Variants in TRIM37 observed in about 807,000 individuals in gnomAD.
The protein encoded by TRIM37 is tripartite motif containing 37.
Under a neutral mutation model 129.8 loss-of-function variants are expected in TRIM37, and 80 were observed. The observed-to-expected ratio is 0.62, with a 90% confidence interval of 0.51 to 0.74. The LOEUF (loss-of-function observed/expected upper bound fraction) is 0.74, where lower values mean the gene tolerates loss of function less well. TRIM37 is among the 30% of genes least tolerant of loss of function. The pLI is 0.00. For synonymous variants in TRIM37, 389 were observed against 387.1 expected (o/e 1.00, Z -0.06); for missense variants, 1,054 against 1,176.5 (o/e 0.90, Z 1.52).
rs749375495 is a variant in TRIM37 at position 59,016,059 on chromosome 17, A to G, written c.2387-260T>C. Among the ~76,000 whole-genome samples the G allele has an allele frequency of 1.2e-4, 18 of 152,290 alleles. No individual in the cohort carries two copies. The Middle Eastern group carries it at 0.01, about 86-fold the overall frequency. ...ATGAAAGGTCTCTCTCAGTTACATT[A>G]GAAAATCTCACTATATATATCATTT... is the stretch of plus-strand genomic sequence containing the variant. On this transcript the variant is annotated intron_variant, in intron 20 of 23. Transcript: ENST00000262294.
intron 17 of TRIM37, among the ~76,000 whole-genome samples, chr17:59,032,682 A>T (rs2038020050): frequency 6.6e-6 from 1 of 152,124 alleles, no homozygotes; most frequent in African/African-American, 2.4e-5. Flanking sequence ...AATGTGTACG[A>T]TGTGCACAAT....
At chr17:58,983,887 T>TGAA (rs1256011937) in intron 24 of TRIM37, 1 of 152,642 alleles carries the variant, frequency 6.6e-6, no homozygotes, top group East Asian at 1.9e-4. Flanking sequence ...GGTCACCAAC[T>TGAA]GAAGTCATTA....
chr17:59,094,754 AAAAC>A (rs1204156335), intron 2 of TRIM37, among the ~76,000 whole-genome samples: 3 of 152,018 alleles, frequency 2.0e-5, no homozygotes, highest in African/African-American at 7.2e-5. Flanking sequence ...GGCATGGTGA[AAAAC>A]AAAAACAAAA....
chr17:59,081,115 G>C lies in TRIM37; in HGVS notation c.474C>G (p.Ile158Met). ...GTCTTACCACTTCTTGAACTAAGCTGATCAGTTCCATGAGACGCCGACGAA... is the reference window on the plus strand; with the variant it reads ...GTCTTACCACTTCTTGAACTAAGCTCATCAGTTCCATGAGACGCCGACGAA... ...AKLRRRLMEL[I>M]SLVQEVERNV... Residue 158 changes from isoleucine to methionine, a missense_variant, in exon 6 of 24, where the codon ATC becomes ATG. Ile to Met is a conservative substitution (Grantham distance 10). Transcript: ENST00000262294. The C allele has an allele frequency of 6.2e-7, 1 of 1,613,092 alleles. No individual in the cohort carries two copies. The highest frequency in any genetic ancestry group is 1.3e-5 in the African/African-American group (1 of 74,962).
chr17:59,033,631 G>A (rs1404857205), intron 17 of TRIM37, among the ~76,000 whole-genome samples: 5 of 151,974 alleles, frequency 3.3e-5, no homozygotes, highest in East Asian at 2.0e-4. Context: ...TGTTAGGATG[G>A]TCTGGATCTC....
intron 2 of TRIM37, among the ~76,000 whole-genome samples, chr17:59,101,691 TATATACACAC>T (rs1463303070): frequency 4.6e-5 from 6 of 131,094 alleles, no homozygotes; most frequent in Admixed American, 8.2e-5. Flanking sequence ...TATATATATA[TATATACACAC>T]ACACACACAC....
Position 59,049,276 on chromosome 17 carries a change from A to ATCTG in TRIM37, c.1431_1432insCAGA (p.Ser478GlnfsTer3). 1 of 1,614,150 alleles carries ATCTG rather than the reference A, an allele frequency of 6.2e-7. No individual in the cohort carries two copies. Among genetic ancestry groups the ATCTG allele is most frequent in the African/African-American group, 1.3e-5 (1 of 75,036 alleles). On this transcript the variant is annotated frameshift_variant, in exon 15 of 24. Coordinates refer to ENST00000262294, the MANE Select transcript of TRIM37 (RefSeq NM_015294.6). LOFTEE classifies it high-confidence loss of function. ...GGACCACCTTCGAGAAGCATGTCAGAGCATGCAGACTTCTTAGCTCGTGTC... is the reference window on the plus strand; with the variant it reads ...GGACCACCTTCGAGAAGCATGTCAGATCTGGCATGCAGACTTCTTAGCTCGTGTC...
downstream of TRIM37, chr17:58,981,213 A>C (rs1174173577): frequency 3.6e-6 from 2 of 558,780 alleles, no homozygotes; most frequent in African/African-American, 1.9e-5. Context: ...AAAAAGAAGT[A>C]TTGGCAGTTT....
chr17:59,045,805 A>C (rs1332541377), intron 16 of TRIM37, among the ~76,000 whole-genome samples: 1 of 151,934 alleles, frequency 6.6e-6, no homozygotes, highest in African/African-American at 2.4e-5. Flanking sequence ...ACCTGAAGTC[A>C]GGAGTTCAAG....
rs997964575 is a variant in TRIM37 at position 59,079,796 on chromosome 17, G to A, written c.574C>T (p.Arg192Trp). ...IRNAVEMMIARLDTQLKNKLI... is the reference protein window; with the variant it reads ...IRNAVEMMIAWLDTQLKNKLI... ...TTATTCTTCAGCTGTGTGTCTAACC[G>A]TGCAATCATCATCTCCACTGCATTC... Residue 192 changes from arginine (R) to tryptophan (W), a missense_variant, in exon 7 of 24, where the codon CGG becomes TGG. Physicochemically the swap from Arg to Trp is moderately radical, Grantham distance 101. Transcript: ENST00000262294. 1.6e-5 allele frequency: 26 copies of A among 1,613,856 alleles called. No individual in the cohort carries two copies. The African/African-American group carries it at 1.7e-4, about 11-fold the overall frequency.
At chr17:59,056,824 TGATATTATTTCCCCACAA>T (rs1288956064) in intron 13 of TRIM37, 33 bp downstream of exon 13, 2 of 1,482,840 alleles carry the variant, frequency 1.3e-6, no homozygotes, top group Non-Finnish European at 1.9e-6. Context: ...ATAGTTCTGA[TGATATTATTTCCCCACAA>T]TAAAAACCAC....
intron 18 of TRIM37, among the ~76,000 whole-genome samples, chr17:59,029,056 T>C (rs868379164): frequency 3.9e-5 from 6 of 152,166 alleles, no homozygotes; most frequent in African/African-American, 1.4e-4. Context: ...ATTATGTTTA[T>C]AATTGAAAAA....
chr17:59,092,803 T>C (rs928504242), intron 2 of TRIM37, among the ~76,000 whole-genome samples: 7 of 152,082 alleles, frequency 4.6e-5, no homozygotes, highest in Admixed American at 1.3e-4. Context: ...AAGGAAACCT[T>C]AAAGGACAGT....
At chr17:59,068,910 G>C (rs933220974) in intron 9 of TRIM37, among the ~76,000 whole-genome samples, 1 of 152,126 alleles carries the variant, frequency 6.6e-6, no homozygotes, top group Non-Finnish European at 1.5e-5. Flanking sequence ...ACTGCAAGGT[G>C]GTGGGGTGGG....
intron 22 of TRIM37, among the ~76,000 whole-genome samples, chr17:59,009,443 CTTTT>C (rs61545184): frequency 3.7e-5 from 4 of 107,618 alleles, no homozygotes; most frequent in African/African-American, 9.7e-5. Flanking sequence ...AATTTCTTTT[CTTTT>C]TTTTTTTTTT....
chr17:59,023,149 C>T (rs2036813811), intron 19 of TRIM37, among the ~76,000 whole-genome samples: 1 of 152,128 alleles, frequency 6.6e-6, no homozygotes, highest in African/African-American at 2.4e-5. Flanking sequence ...AATCTTGGCT[C>T]ACTGCAACCT....
At chr17:59,062,073 A>G (rs973312920) in intron 11 of TRIM37, among the ~76,000 whole-genome samples, 1 of 152,216 alleles carries the variant, frequency 6.6e-6, no homozygotes, top group Non-Finnish European at 1.5e-5. Context: ...AAAGACTTCA[A>G]TGTGTAACTG....
intron 2 of TRIM37, among the ~76,000 whole-genome samples, chr17:59,094,106 G>A (rs1025144123): frequency 5.3e-5 from 8 of 152,066 alleles, no homozygotes; most frequent in African/African-American, 1.7e-4. Context: ...CGTTGGCCAG[G>A]CTAGTCTCCA....
intron 20 of TRIM37, among the ~76,000 whole-genome samples, chr17:59,016,102 T>G (rs1173931844): frequency 6.6e-6 from 1 of 151,930 alleles, no homozygotes; most frequent in African/African-American, 2.4e-5. Flanking sequence ...ACATAAAAAC[T>G]TCAAAAATAG....
Sources: allele counts gnomAD v4.1 joint callset (sites outside exome capture counted in the v4.1 genomes callset), GRCh38; gene constraint gnomAD v4.1.1; transcripts MANE v1.5; gene names NCBI Gene and HGNC (gene_info 2026-07-23, HGNC 2026-07-21).